The following OR2L13 variants were observed in gnomAD, a reference collection of about 807,000 sequenced individuals.
OR2L13 encodes olfactory receptor family 2 subfamily L member 13.
OR2L13 carries 14 observed loss-of-function variants against 15.3 expected under a neutral mutation model. The observed-to-expected ratio is 0.91, with a 90% CI of 0.60 to 1.43. The LOEUF (loss-of-function observed/expected upper bound fraction) is 1.43, where lower values mean the gene tolerates loss of function less well. Among genes scored for constraint, OR2L13 ranks in the 40% most tolerant of loss-of-function variants. The pLI, the probability that OR2L13 is intolerant of heterozygous loss-of-function variation, is 0.00. For synonymous variants in OR2L13, 152 were observed against 142.9 expected, an observed-to-expected ratio of 1.06 and a Z score of -0.45; for missense variants, 367 against 387.9, an observed-to-expected ratio of 0.95 and a Z score of 0.45.
chr1:247,991,213 G>A, the OR2L13 span: 1 of 1,545,234 alleles, frequency 6.5e-7, no homozygotes, highest in Non-Finnish European at 8.9e-7. Flanking sequence ...ATAGACATAC[G>A]TTCTGCCTTA....
chr1:247,978,322 A>G, the OR2L13 span, among the ~76,000 whole-genome samples: 1 of 151,332 alleles, frequency 6.6e-6, no homozygotes, highest in African/African-American at 2.5e-5. Flanking sequence ...GCTACCACTC[A>G]ATGGGTAATT....
chr1:247,991,086 G>A, the OR2L13 span: 1 of 1,593,120 alleles, frequency 6.3e-7, no homozygotes, highest in Non-Finnish European at 8.6e-7. Context: ...ACAAGGTTCT[G>A]GCTGTCTTCT....
the OR2L13 span, among the ~76,000 whole-genome samples, chr1:247,970,175 G>C: frequency 2.0e-5 from 3 of 151,998 alleles, no homozygotes; most frequent in East Asian, 5.8e-4. Context: ...TGTAAACAAA[G>C]AATCTGGATC....
chr1:248,042,707 T>A, the OR2L13 span, among the ~76,000 whole-genome samples: 1 of 152,174 alleles, frequency 6.6e-6, no homozygotes, highest in Non-Finnish European at 1.5e-5. Context: ...TCTTTCATTG[T>A]AATGTATAAA....
chr1:248,044,520 C>A, the OR2L13 span, among the ~76,000 whole-genome samples: 2 of 128,664 alleles, frequency 1.6e-5, no homozygotes, highest in Non-Finnish European at 3.0e-5. Context: ...AACGCCTTCC[C>A]CGGCCGGGCG....
the OR2L13 span, among the ~76,000 whole-genome samples, chr1:248,035,291 A>T: frequency 1.3e-5 from 2 of 152,090 alleles, no homozygotes; most frequent in African/African-American, 4.8e-5. Context: ...TCTACTAAAA[A>T]TACAAAAATT....
At chr1:248,034,636 T>G in the OR2L13 span, among the ~76,000 whole-genome samples, 5 of 152,228 alleles carry the variant, frequency 3.3e-5, no homozygotes, top group Admixed American at 6.5e-5. Flanking sequence ...ATCTGTGTCT[T>G]CTTTGATTGT....
the OR2L13 span, chr1:248,041,755 A>C: frequency 2.0e-5 from 3 of 152,228 alleles, no homozygotes; most frequent in African/African-American, 7.2e-5. Context: ...AAACACATGA[A>C]AAAATGCTCA....
At chr1:248,032,580 G>T in the OR2L13 span, among the ~76,000 whole-genome samples, 1 of 152,048 alleles carries the variant, frequency 6.6e-6, no homozygotes, top group Non-Finnish European at 1.5e-5. Context: ...ACTACTCTGG[G>T]TACTTCCTGT....
the OR2L13 span, among the ~76,000 whole-genome samples, chr1:247,941,369 A>T: frequency 6.6e-6 from 1 of 152,190 alleles, no homozygotes; most frequent in Admixed American, 6.5e-5. Context: ...TCTCTGAGGC[A>T]TGTCAAAAGA....
chr1:248,083,556 T>C, the OR2L13 span: 3 of 994,910 alleles, frequency 3.0e-6, no homozygotes, highest in Non-Finnish European at 4.6e-6. Flanking sequence ...TTTCTGTTCA[T>C]GAACTACTAA....
the OR2L13 span, among the ~76,000 whole-genome samples, chr1:248,064,213 G>T: frequency 6.6e-6 from 1 of 152,096 alleles, no homozygotes; most frequent in Non-Finnish European, 1.5e-5. Context: ...GGGGCCTTTT[G>T]GGAAATGATT....
chr1:247,968,080 G>A, the OR2L13 span, among the ~76,000 whole-genome samples: 5 of 152,002 alleles, frequency 3.3e-5, no homozygotes, highest in African/African-American at 9.7e-5. Flanking sequence ...AGGAACAAAC[G>A]TTTGTGTGTA....
chr1:247,940,947 C>T, the OR2L13 span, among the ~76,000 whole-genome samples: 1 of 151,920 alleles, frequency 6.6e-6, no homozygotes, highest in Non-Finnish European at 1.5e-5. Context: ...GCCATTGTGA[C>T]TTGTATGAAA....
chr1:248,042,094 T>G, the OR2L13 span: 2 of 151,942 alleles, frequency 1.3e-5, no homozygotes, highest in Non-Finnish European at 2.9e-5. Context: ...AGCAAAGACT[T>G]GGAACCAACC....
chr1:248,076,935 A>T, the OR2L13 span, among the ~76,000 whole-genome samples: 1 of 152,182 alleles, frequency 6.6e-6, no homozygotes, highest in Non-Finnish European at 1.5e-5. Context: ...TTCAAAGGGA[A>T]TGCTTTCAAT....
the OR2L13 span, among the ~76,000 whole-genome samples, chr1:247,954,987 G>A: frequency 1.3e-5 from 2 of 151,640 alleles, no homozygotes; most frequent in Non-Finnish European, 2.9e-5. Context: ...TAGGGTACAT[G>A]TGCATAACGT....
the OR2L13 span, among the ~76,000 whole-genome samples, chr1:247,956,762 G>T: frequency 1.8e-4 from 28 of 152,122 alleles, no homozygotes; most frequent in African/African-American, 3.4e-4. Context: ...TATTCGTGTA[G>T]AAGAATGCTT....
the OR2L13 span, among the ~76,000 whole-genome samples, chr1:247,970,182 G>T: frequency 6.6e-6 from 1 of 151,886 alleles, no homozygotes; most frequent in Non-Finnish European, 1.5e-5. Flanking sequence ...AAAGAATCTG[G>T]ATCTCCCCTA....
Sources: gnomAD v4.1 joint callset for allele counts (sites outside exome capture counted in the v4.1 genomes callset) on GRCh38, gnomAD v4.1.1 for gene constraint, MANE v1.5 for transcripts, NCBI Gene and HGNC (gene_info 2026-07-23, HGNC 2026-07-21) for gene names.